The following FRS2 variants were observed in gnomAD, a reference collection of about 807,000 sequenced individuals.
The protein encoded by FRS2 is fibroblast growth factor receptor substrate 2.
In FRS2, 8 loss-of-function variants were observed where a neutral mutation model predicts 43.9. That is an observed-to-expected ratio of 0.18 (90% CI 0.11 to 0.33). The LOEUF is 0.33. Among genes scored for constraint, FRS2 ranks in the 10% least tolerant of loss-of-function variants. FRS2 has a pLI of 1.00. For synonymous variants in FRS2, 219 were observed against 220.3 expected (o/e 0.99, Z 0.05); for missense variants, 534 against 627.6 (o/e 0.85, Z 1.59).
intron 1 of FRS2, among the ~76,000 whole-genome samples, chr12:69,526,386 T>C (rs1876227069): frequency 1.3e-5 from 2 of 152,316 alleles, no homozygotes; most frequent in East Asian, 3.9e-4. Context: ...GTATATTACT[T>C]TTGCTATGTG....
Position 69,574,152 on chromosome 12 carries a change from A to G in FRS2, c.724A>G (p.Ile242Val). The change falls in exon 9 of 9, where the codon ATT (isoleucine) becomes GTT (valine). Residue 242 changes from isoleucine (I) to valine (V), a missense_variant. By Grantham distance (29) the Ile-to-Val change is conservative (BLOSUM62 3). Transcript: ENST00000549921. ...PSSIEDRDPQ[I>V]LLEPEGVKFV... ...TAGTATTGAGGACAGGGATCCTCAG[A>G]TTCTTCTTGAACCTGAAGGAGTCAA... 1 of 1,613,956 alleles carries G rather than the reference A, an allele frequency of 6.2e-7. No individual in the cohort carries two copies. The highest frequency in any genetic ancestry group is 8.5e-7 in the Non-Finnish European group (1 of 1,179,760).
chr12:69,475,411 G>T (rs1233324178), intron 1 of FRS2, among the ~76,000 whole-genome samples: 1 of 152,146 alleles, frequency 6.6e-6, no homozygotes, highest in Non-Finnish European at 1.5e-5. Context: ...GTTTCAGTAA[G>T]CCTGGTATTA....
At chr12:69,556,286 A>G (rs1396775923) in intron 3 of FRS2, among the ~76,000 whole-genome samples, 34 of 151,812 alleles carry the variant, frequency 2.2e-4, no homozygotes, top group Non-Finnish European at 5.9e-5. Flanking sequence ...GTGCTTATAC[A>G]TTTCTATATT....
Position 69,477,367 on chromosome 12 carries a change from G to A in FRS2, c.-261+6837G>A, listed in dbSNP as rs752817045. ...GCGATCTCAGCTCACTGCAAGCTCC[G>A]CCTCTCCTGGGTTCACGCCATTCTC... On this transcript the variant is annotated intron_variant, in intron 1 of 8. Transcript: ENST00000549921. Among the ~76,000 whole-genome samples the A allele has an allele frequency of 7.0e-5, 10 of 142,152 alleles. No homozygotes were observed. The South Asian group carries it at 1.4e-3, about 20-fold the overall frequency. The allele number at this position is 142,152 out of a possible 152,430, so 93.3% of individuals were successfully genotyped here. A position where few individuals can be genotyped will look rare whatever the true frequency, so the allele number is the denominator to read the frequency against.
chr12:69,522,144 G>C (rs1425324539), intron 1 of FRS2, among the ~76,000 whole-genome samples: 1 of 151,088 alleles, frequency 6.6e-6, no homozygotes, highest in Non-Finnish European at 1.5e-5. Flanking sequence ...ATTTTGTTGA[G>C]GATTTTTGCA....
chr12:69,513,333 A>G (rs964542301), intron 1 of FRS2, among the ~76,000 whole-genome samples: 1 of 151,874 alleles, frequency 6.6e-6, no homozygotes, highest in African/African-American at 2.4e-5. Flanking sequence ...TTGTTCATAT[A>G]TATATATTTT....
chr12:69,483,186 C>T (rs1592915371), intron 1 of FRS2, among the ~76,000 whole-genome samples: 1 of 152,132 alleles, frequency 6.6e-6, no homozygotes, highest in African/African-American at 2.4e-5. Context: ...ATACGGTATA[C>T]AGATTTCACC....
At chr12:69,506,102 C>G (rs1592953617) in intron 1 of FRS2, among the ~76,000 whole-genome samples, 1 of 152,032 alleles carries the variant, frequency 6.6e-6, no homozygotes, top group African/African-American at 2.4e-5. Context: ...TATTTTTACC[C>G]GAACACTATT....
At position 69,571,195 on chromosome 12, in the gene FRS2, A is replaced by G. The variant is rs1032409075; in HGVS notation, c.254-81A>G. The G allele has an allele frequency of 1.4e-5, 12 of 839,586 alleles. No homozygotes were observed. The South Asian group carries it at 1.7e-4, about 12-fold the overall frequency. The allele number at this position is 839,586 out of a possible 1,614,324, so 52.0% of individuals were successfully genotyped here. A position where few individuals can be genotyped will look rare whatever the true frequency, so the allele number is the denominator to read the frequency against. ...TCGGTGCGTAGAATGCTTACTTTACAATTCTGCTGTTTGTCAAGTGTTCCT... is the reference window on the plus strand; with the variant it reads ...TCGGTGCGTAGAATGCTTACTTTACGATTCTGCTGTTTGTCAAGTGTTCCT... On this transcript the variant is annotated intron_variant, in intron 6 of 8. Coordinates refer to ENST00000549921, the MANE Select transcript of FRS2 (RefSeq NM_001278356.2).
chr12:69,572,755 G>A (rs1288278545), intron 8 of FRS2, among the ~76,000 whole-genome samples: 1 of 152,170 alleles, frequency 6.6e-6, no homozygotes, highest in East Asian at 1.9e-4. Flanking sequence ...CTTATGTTTT[G>A]TAAACCATAT....
At chr12:69,470,932 G>C (rs1161845099) in intron 1 of FRS2, among the ~76,000 whole-genome samples, 39 of 152,054 alleles carry the variant, frequency 2.6e-4, no homozygotes, top group Admixed American at 2.6e-3. Context: ...CCGACTTTTC[G>C]CCTCCTCTGG....
At chr12:69,560,443 A>G (rs936586996) in intron 3 of FRS2, among the ~76,000 whole-genome samples, 1 of 152,220 alleles carries the variant, frequency 6.6e-6, no homozygotes, top group Admixed American at 6.5e-5. Context: ...AACATGTACT[A>G]GTGCTTACTA....
chr12:69,547,602 C>T (rs1878519724), intron 3 of FRS2, among the ~76,000 whole-genome samples: 2 of 152,210 alleles, frequency 1.3e-5, no homozygotes, highest in South Asian at 4.1e-4. Flanking sequence ...CAGTGGAATG[C>T]AGTTGATTAC....
chr12:69,501,277 C>G (rs1287494270), intron 1 of FRS2, among the ~76,000 whole-genome samples: 1 of 151,920 alleles, frequency 6.6e-6, no homozygotes, highest in Admixed American at 6.6e-5. Context: ...GTGTAATTGC[C>G]AGGACACAAA....
chr12:69,565,630 CAA>C (rs1399742571), intron 4 of FRS2, among the ~76,000 whole-genome samples: 1 of 151,794 alleles, frequency 6.6e-6, no homozygotes, highest in East Asian at 1.9e-4. Context: ...AAAACTAAGA[CAA>C]AGACACAAAC....
Position 69,526,346 on chromosome 12 carries a change from T to TA in FRS2, c.-260-4518dup, listed in dbSNP as rs150235272. 2.7e-3 allele frequency among the ~76,000 whole-genome samples: 416 copies of TA among 152,366 alleles called. 2 individuals are homozygous for TA. The highest frequency in any genetic ancestry group is 3.9e-3 in the Non-Finnish European group (264 of 68,032). On this transcript the variant is annotated intron_variant, in intron 1 of 8. Transcript: ENST00000549921. Reference sequence around the variant, plus strand: ...TGGGTAATGTGTCCTGAGAAGGAATTACTTTGATTTTCATTTGAAAATACA... The same window carrying TA: ...TGGGTAATGTGTCCTGAGAAGGAATTAACTTTGATTTTCATTTGAAAATACA...
intron 4 of FRS2, among the ~76,000 whole-genome samples, chr12:69,568,527 C>T (rs1435189080): frequency 6.6e-6 from 1 of 151,838 alleles, no homozygotes; most frequent in Non-Finnish European, 1.5e-5. Flanking sequence ...GCCTGCCTGC[C>T]TGCCTGCCTG....
chr12:69,556,908 G>A (rs917962321), intron 3 of FRS2, among the ~76,000 whole-genome samples: 5 of 152,102 alleles, frequency 3.3e-5, no homozygotes, highest in African/African-American at 1.2e-4. Context: ...TCGTACTGTG[G>A]TTTTACCTCC....
intron 1 of FRS2, among the ~76,000 whole-genome samples, chr12:69,520,470 C>T (rs1439032024): frequency 6.9e-6 from 1 of 144,644 alleles, no homozygotes; most frequent in African/African-American, 2.6e-5. Context: ...CTTTTGGCAT[C>T]TTCGTCATGA....
Sources: allele counts gnomAD v4.1 joint callset (sites outside exome capture counted in the v4.1 genomes callset), GRCh38; gene constraint gnomAD v4.1.1; transcripts MANE v1.5; gene names NCBI Gene and HGNC (gene_info 2026-07-23, HGNC 2026-07-21).